Variants in GSK3B observed in about 807,000 individuals in gnomAD.
The protein encoded by GSK3B is glycogen synthase kinase 3 beta, also known as glycogen synthase kinase-3 beta.
Under a neutral mutation model 56.4 loss-of-function variants are expected in GSK3B, and 15 were observed. The ratio of observed to expected loss-of-function variants is 0.27; its 90% CI spans 0.18 to 0.41. GSK3B has a LOEUF of 0.41. Ranked by LOEUF, GSK3B falls within the 10% of genes least tolerant of loss-of-function variation. The probability of loss-of-function intolerance (pLI) is 1.00; values close to 1 mark genes in which losing one functional copy is unlikely to be tolerated. For synonymous variants in GSK3B, 181 were observed against 188.9 expected, an observed-to-expected ratio of 0.96 and a Z score of 0.34; for missense variants, 300 against 513.4, an observed-to-expected ratio of 0.58 and a Z score of 4.02.
At chr3:119,933,589 AG>A (rs1366363790) in intron 3 of GSK3B, among the ~76,000 whole-genome samples, 1 of 152,220 alleles carries the variant, frequency 6.6e-6, no homozygotes, top group Non-Finnish European at 1.5e-5. Flanking sequence ...AAAGAAGCAC[AG>A]GAGCCGCCAA....
chr3:119,977,362 G>A (rs2057417939), intron 2 of GSK3B, among the ~76,000 whole-genome samples: 1 of 152,132 alleles, frequency 6.6e-6, no homozygotes, highest in South Asian at 2.1e-4. Flanking sequence ...TCTTGCTGGG[G>A]ACAGGCAAAG....
intron 1 of GSK3B, among the ~76,000 whole-genome samples, chr3:120,068,796 T>C (rs981010298): frequency 6.6e-6 from 1 of 151,698 alleles, no homozygotes; most frequent in Non-Finnish European, 1.5e-5. Flanking sequence ...TTATAGAAAT[T>C]GATGATGGAT....
intron 1 of GSK3B, among the ~76,000 whole-genome samples, chr3:120,067,146 T>C (rs1237648114): frequency 4.6e-5 from 7 of 151,744 alleles, no homozygotes; most frequent in Admixed American, 6.6e-5. Flanking sequence ...TAAATGACTG[T>C]TAAAGAGATT....
intron 7 of GSK3B, among the ~76,000 whole-genome samples, chr3:119,899,589 A>T (rs1463878512): frequency 6.6e-6 from 1 of 152,170 alleles, no homozygotes; most frequent in Non-Finnish European, 1.5e-5. Context: ...ATTATACCAC[A>T]AACAAGCATC....
At chr3:119,960,401 T>A (rs369565182) in intron 2 of GSK3B, among the ~76,000 whole-genome samples, 1 of 151,862 alleles carries the variant, frequency 6.6e-6, no homozygotes, top group Non-Finnish European at 1.5e-5. Context: ...CACAAACCTA[T>A]GCATGTAATA....
intron 9 of GSK3B, among the ~76,000 whole-genome samples, chr3:119,848,295 T>C (rs1230957844): frequency 1.3e-5 from 2 of 152,208 alleles, no homozygotes; most frequent in Non-Finnish European, 2.9e-5. Context: ...CACTCTAATA[T>C]GTGTCACAGT....
At chr3:119,892,783 G>C (rs2056518064) in intron 7 of GSK3B, among the ~76,000 whole-genome samples, 1 of 152,082 alleles carries the variant, frequency 6.6e-6, no homozygotes, top group South Asian at 2.1e-4. Flanking sequence ...TGTATAAATG[G>C]TTGAATACCT....
At chr3:120,043,196 C>T (rs965902073) in intron 1 of GSK3B, among the ~76,000 whole-genome samples, 6 of 152,080 alleles carry the variant, frequency 3.9e-5, no homozygotes, top group Admixed American at 6.5e-5. Context: ...CCACTAAAAC[C>T]GCAGTCCAGA....
intron 4 of GSK3B, among the ~76,000 whole-genome samples, chr3:119,916,784 C>T (rs189337896): frequency 1.8e-4 from 28 of 152,258 alleles, no homozygotes; most frequent in Admixed American, 1.7e-3. Flanking sequence ...CACCATTCTT[C>T]CTGTTAATAT....
At chr3:120,086,098 A>G (rs952408548) in intron 1 of GSK3B, among the ~76,000 whole-genome samples, 30 of 152,152 alleles carry the variant, frequency 2.0e-4, no homozygotes, top group African/African-American at 7.2e-4. Flanking sequence ...TTCATAAGAA[A>G]GCTTAAATGA....
chr3:119,912,490 A>G (rs754479757), intron 6 of GSK3B, among the ~76,000 whole-genome samples: 2 of 151,874 alleles, frequency 1.3e-5, no homozygotes, highest in Non-Finnish European at 2.9e-5. Flanking sequence ...GTTGACACAA[A>G]CCTTTGAGAG....
chr3:119,965,451 A>G (rs2057310705), intron 2 of GSK3B, among the ~76,000 whole-genome samples: 1 of 151,790 alleles, frequency 6.6e-6, no homozygotes, highest in Middle Eastern at 3.2e-3. Flanking sequence ...AGCTCAAGCA[A>G]TCCTCCCGCT....
intron 9 of GSK3B, among the ~76,000 whole-genome samples, chr3:119,850,750 C>T (rs2055918777): frequency 1.3e-5 from 2 of 152,014 alleles, no homozygotes; most frequent in African/African-American, 4.8e-5. Context: ...CACCTGTTAG[C>T]ATCAGACACA....
In GSK3B at chr3:120,093,456, C is replaced by T; in HGVS notation, c.-22G>A. 6.8e-7 allele frequency: 1 copy of T among 1,469,700 alleles called. No individual in the cohort carries two copies. The highest frequency in any genetic ancestry group is 9.5e-7 in the Non-Finnish European group (1 of 1,049,084). 91.0% of individuals were successfully genotyped at this position (1,469,700 alleles called of 1,614,324 possible). A position where few individuals can be genotyped will look rare whatever the true frequency, so the allele number is the denominator to read the frequency against. On this transcript the variant is annotated 5_prime_UTR_variant, in exon 1 of 11. In the 5' UTR this introduces an upstream ATG that the reference lacks. Coordinates refer to ENST00000264235, the MANE Select transcript of GSK3B (RefSeq NM_001146156.2). ...ACATGATCACTCTCTTCGCGAATCA[C>T]CTTTTCCTTCCTTCCTCCTTTTCTT...
At chr3:119,846,733 C>A (rs1006858208) in intron 9 of GSK3B, among the ~76,000 whole-genome samples, 8 of 152,146 alleles carry the variant, frequency 5.3e-5, no homozygotes, top group African/African-American at 1.9e-4. Context: ...TGTGGCAATT[C>A]CTCAAGGATC....
At chr3:119,929,678 G>T (rs559670885) in intron 3 of GSK3B, among the ~76,000 whole-genome samples, 36 of 152,068 alleles carry the variant, frequency 2.4e-4, no homozygotes, top group African/African-American at 8.4e-4. Context: ...CGAGGTGGGC[G>T]GATCACCTGA....
At chr3:119,845,256 C>G (rs1425498279) in intron 9 of GSK3B, among the ~76,000 whole-genome samples, 1 of 152,158 alleles carries the variant, frequency 6.6e-6, no homozygotes, top group Non-Finnish European at 1.5e-5. Context: ...AAAACCAGCA[C>G]AAAACAAGGG....
intron 1 of GSK3B, among the ~76,000 whole-genome samples, chr3:120,012,408 G>A (rs898789155): frequency 2.6e-5 from 4 of 152,132 alleles, no homozygotes; most frequent in East Asian, 1.9e-4. Context: ...TGGCACTAGC[G>A]ATTATAATAA....
chr3:119,966,867 G>GA (rs573356966), intron 2 of GSK3B, among the ~76,000 whole-genome samples: 7 of 150,980 alleles, frequency 4.6e-5, no homozygotes, highest in Admixed American at 4.6e-4. Flanking sequence ...AACTTAAGAG[G>GA]AAAAAAAATC....
Sources: gnomAD v4.1 joint callset for allele counts (sites outside exome capture counted in the v4.1 genomes callset) on GRCh38, gnomAD v4.1.1 for gene constraint, MANE v1.5 for transcripts, NCBI Gene and HGNC (gene_info 2026-07-23, HGNC 2026-07-21) for gene names.